DGKB: variants seen among roughly 807,000 people sequenced by gnomAD.
DGKB encodes the protein diacylglycerol kinase beta.
A neutral mutation model predicts 114.3 loss-of-function variants in DGKB; 67 were observed. The ratio of observed to expected loss-of-function variants is 0.59; its 90% CI spans 0.48 to 0.72. DGKB has a LOEUF of 0.72. Ranked by LOEUF, DGKB falls within the 30% of genes least tolerant of loss-of-function variation. DGKB has a pLI of 0.00. For synonymous variants in DGKB, 398 were observed against 323.1 expected, an observed-to-expected ratio of 1.23 and a Z score of -2.49; for missense variants, 907 against 975.2, an observed-to-expected ratio of 0.93 and a Z score of 0.93.
At chr7:14,694,269 T>G in intron 8 of DGKB, 75 bp from the exon 9 acceptor site, 1 of 1,319,318 alleles carries the variant, frequency 7.6e-7, no homozygotes. Flanking sequence ...CATATGAAAT[T>G]GTGACTAACA....
At chr7:14,850,324 A>C (rs1424777700) in intron 1 of DGKB, among the ~76,000 whole-genome samples, 1 of 143,728 alleles carries the variant, frequency 7.0e-6, no homozygotes, top group Non-Finnish European at 1.5e-5. Context: ...CAGAGAAAAA[A>C]TATGAAATCG....
intron 20 of DGKB, among the ~76,000 whole-genome samples, chr7:14,530,056 T>C (rs1791306514): frequency 1.3e-5 from 2 of 151,710 alleles, no homozygotes; most frequent in African/African-American, 4.8e-5. Context: ...GTATCATTAC[T>C]GAAGTATTTC....
At chr7:14,182,842 A>T (rs1782838079) in intron 23 of DGKB, among the ~76,000 whole-genome samples, 1 of 152,178 alleles carries the variant, frequency 6.6e-6, no homozygotes, top group Non-Finnish European at 1.5e-5. Context: ...AACAGAAGAG[A>T]ATGCATTACA....
intron 2 of DGKB, among the ~76,000 whole-genome samples, chr7:14,798,156 G>T (rs986412919): frequency 1.5e-4 from 23 of 152,136 alleles, no homozygotes; most frequent in Non-Finnish European, 5.9e-5. Context: ...GAGAGAGTGG[G>T]TACGATGGGG....
intron 21 of DGKB, among the ~76,000 whole-genome samples, chr7:14,375,611 C>T (rs1818351042): frequency 6.6e-6 from 1 of 152,194 alleles, no homozygotes; most frequent in African/African-American, 2.4e-5. Context: ...TCCTCCTCAC[C>T]TTCCAGGTCT....
intron 23 of DGKB, among the ~76,000 whole-genome samples, chr7:14,248,119 T>C (rs1284534830): frequency 6.6e-6 from 1 of 152,126 alleles, no homozygotes; most frequent in Non-Finnish European, 1.5e-5. Context: ...GATTTCCTGA[T>C]TATGTGTTCT....
chr7:14,769,220 AAG>A lies in DGKB; in HGVS notation c.71-11491_71-11490del, dbSNP rs199632692. The stretch of plus-strand genomic sequence containing the variant: ...GAAAGGAAGAAAGGAAAGAAAGAGA[AAG>A]AGAGAGAGAAAGAAAGAAAGAAAGA... On this transcript the variant is annotated intron_variant, in intron 2 of 25. Transcript: ENST00000402815. Among the ~76,000 whole-genome samples, 174 of 117,946 alleles carry A rather than the reference AAG, an allele frequency of 1.5e-3. 1 individual carries two copies. The highest frequency in any genetic ancestry group is 0.013 in the East Asian group (50 of 3,910). 77.4% of individuals were successfully genotyped at this position (117,946 alleles called of 152,430 possible). A position where few individuals can be genotyped will look rare whatever the true frequency, so the allele number is the denominator to read the frequency against.
chr7:14,403,707 A>G (rs528639597), intron 21 of DGKB, among the ~76,000 whole-genome samples: 2 of 152,080 alleles, frequency 1.3e-5, no homozygotes, highest in Non-Finnish European at 2.9e-5. Flanking sequence ...CTCGGAAACT[A>G]TTTACATGTG....
intron 23 of DGKB, among the ~76,000 whole-genome samples, chr7:14,320,174 AG>A (rs1807477370): frequency 6.6e-6 from 1 of 152,190 alleles, no homozygotes; most frequent in African/African-American, 2.4e-5. Context: ...GGGGTCCAGC[AG>A]TGGTGGGAAC....
intron 2 of DGKB, among the ~76,000 whole-genome samples, chr7:14,836,961 G>A (rs1847248893): frequency 1.3e-5 from 2 of 152,184 alleles, no homozygotes; most frequent in Non-Finnish European, 2.9e-5. Context: ...CAAACAGCCA[G>A]AAGAACACAC....
chr7:14,459,096 A>G (rs1006655040), intron 21 of DGKB, among the ~76,000 whole-genome samples: 2 of 152,138 alleles, frequency 1.3e-5, no homozygotes, highest in Non-Finnish European at 2.9e-5. Context: ...GGAAGTTCAA[A>G]CTGGACAGAG....
At chr7:14,831,669 C>A (rs1846432550) in intron 2 of DGKB, among the ~76,000 whole-genome samples, 1 of 152,032 alleles carries the variant, frequency 6.6e-6, no homozygotes, top group African/African-American at 2.4e-5. Context: ...TGTCTCAGAG[C>A]CAGGAGTCTC....
At chr7:14,555,511 T>C (rs1034546518) in intron 20 of DGKB, among the ~76,000 whole-genome samples, 2 of 152,128 alleles carry the variant, frequency 1.3e-5, no homozygotes, top group African/African-American at 4.8e-5. Context: ...ATAAATTAAT[T>C]TGGGCAGACT....
At chr7:14,177,253 CCCAGTTCTT>C (rs768863587) in intron 24 of DGKB, among the ~76,000 whole-genome samples, 1 of 152,020 alleles carries the variant, frequency 6.6e-6, no homozygotes, top group Non-Finnish European at 1.5e-5. Flanking sequence ...AGGTGTTTCT[CCCAGTTCTT>C]CTAGCACCAA....
intron 23 of DGKB, among the ~76,000 whole-genome samples, chr7:14,205,985 C>A (rs1328343921): frequency 6.6e-6 from 1 of 151,940 alleles, no homozygotes; most frequent in Non-Finnish European, 1.5e-5. Context: ...TGGGTAAGAT[C>A]ATTTCTGGTA....
chr7:14,398,467 A>G (rs566840935), intron 21 of DGKB, among the ~76,000 whole-genome samples: 10 of 152,178 alleles, frequency 6.6e-5, no homozygotes, highest in African/African-American at 2.4e-4. Flanking sequence ...GATTTTGACA[A>G]ATTCACACTA....
intron 2 of DGKB, among the ~76,000 whole-genome samples, chr7:14,783,908 C>A (rs1839482363): frequency 1.3e-5 from 2 of 151,986 alleles, no homozygotes; most frequent in Non-Finnish European, 2.9e-5. Context: ...AAAGAATAAG[C>A]ACAAAAATGA....
intron 20 of DGKB, among the ~76,000 whole-genome samples, chr7:14,539,094 A>C (rs1792999301): frequency 6.6e-6 from 1 of 152,150 alleles, no homozygotes; most frequent in South Asian, 2.1e-4. Context: ...ATAGTTAATA[A>C]TAAATTACTC....
rs1781593690 is a variant in DGKB, at chr7:14,147,416, G to A, written c.*1715C>T. 1 of 152,062 alleles carries A rather than the reference G, an allele frequency of 6.6e-6. No individual in the cohort carries two copies. The highest frequency in any genetic ancestry group is 1.5e-5 in the Non-Finnish European group (1 of 67,972). The allele number at this position is 152,062 out of a possible 1,614,324, so 9.4% of individuals were successfully genotyped here. A position where few individuals can be genotyped will look rare whatever the true frequency, so the allele number is the denominator to read the frequency against. ...AACACTAAAAGAATACACTTTGTAC[G>A]TAATCTTCCATTATAGCACATTGCT... On this transcript the variant is annotated 3_prime_UTR_variant, in exon 26 of 26. Coordinates refer to ENST00000402815, the MANE Select transcript of DGKB (RefSeq NM_001350709.2).
Sources: gnomAD v4.1 joint callset for allele counts (sites outside exome capture counted in the v4.1 genomes callset) on GRCh38, gnomAD v4.1.1 for gene constraint, MANE v1.5 for transcripts, NCBI Gene and HGNC (gene_info 2026-07-23, HGNC 2026-07-21) for gene names.